The following FBXL17 variants were observed in gnomAD, a reference collection of about 807,000 sequenced individuals.
FBXL17 encodes the protein F-box and leucine rich repeat protein 17, also known as F-box/LRR-repeat protein 17.
Under a neutral mutation model 66.2 loss-of-function variants are expected in FBXL17, and 22 were observed. That is an observed-to-expected ratio of 0.33 (90% CI 0.24 to 0.47). The LOEUF is 0.47. Among genes scored for constraint, FBXL17 ranks in the 20% least tolerant of loss-of-function variants. FBXL17 has a pLI of 1.00. For missense variants in FBXL17, 878 were observed against 948.2 expected (o/e 0.93, Z 0.97); for synonymous variants, 474 against 400.5 (o/e 1.18, Z -2.19).
At chr5:107,870,656 G>T (rs1213387921) in intron 8 of FBXL17, among the ~76,000 whole-genome samples, 3 of 151,304 alleles carry the variant, frequency 2.0e-5, no homozygotes, top group Non-Finnish European at 4.4e-5. Context: ...CTCCATCTCA[G>T]CTCACTGCAA....
At chr5:108,130,990 G>C (rs1750912035) in intron 6 of FBXL17, among the ~76,000 whole-genome samples, 1 of 151,840 alleles carries the variant, frequency 6.6e-6, no homozygotes, top group Admixed American at 6.6e-5. Flanking sequence ...TCAAATTTTA[G>C]AAAAATAGCA....
intron 4 of FBXL17, among the ~76,000 whole-genome samples, chr5:108,294,292 A>ATATATAT (rs1554084182): frequency 1.6e-4 from 23 of 145,866 alleles, no homozygotes; most frequent in African/African-American, 5.5e-4. Context: ...GAAAAAAAAA[A>ATATATAT]ATATATATAT....
chr5:108,019,493 T>C (rs1754504905), intron 7 of FBXL17, among the ~76,000 whole-genome samples: 2 of 152,082 alleles, frequency 1.3e-5, no homozygotes, highest in Non-Finnish European at 2.9e-5. Flanking sequence ...CCATAACTCC[T>C]GGCTATTAGC....
intron 7 of FBXL17, among the ~76,000 whole-genome samples, chr5:107,929,247 T>C (rs1338014890): frequency 6.6e-6 from 1 of 152,158 alleles, no homozygotes; most frequent in African/African-American, 2.4e-5. Context: ...GGATGGAGGA[T>C]ATGGAGCCAA....
Position 108,111,132 on chromosome 5 carries a change from G to A in FBXL17, c.1745+74985C>T, listed in dbSNP as rs184125669. On this transcript the variant is annotated intron_variant, in intron 6 of 8. Transcript: ENST00000542267. ...TCACTGTTTCAGAATGACCTATTTC[G>A]CACTAGAATGAACCAGTGAATTCAT... 3.6e-3 allele frequency among the ~76,000 whole-genome samples: 543 copies of A among 151,536 alleles called. 1 individual carries two copies. The highest frequency in any genetic ancestry group is 5.9e-3 in the Non-Finnish European group (403 of 67,950).
chr5:108,056,472 A>G (rs1580382023), intron 6 of FBXL17, among the ~76,000 whole-genome samples: 1 of 152,232 alleles, frequency 6.6e-6, no homozygotes, highest in Non-Finnish European at 1.5e-5. Flanking sequence ...GAAAACCCTA[A>G]TATGATCTGA....
At chr5:108,163,637 ATGATC>A (rs1752306380) in intron 6 of FBXL17, among the ~76,000 whole-genome samples, 1 of 151,980 alleles carries the variant, frequency 6.6e-6, no homozygotes, top group South Asian at 2.1e-4. Flanking sequence ...TCCCGACCTC[ATGATC>A]CGCCCATCTA....
At chr5:108,068,458 TGGG>T (rs113038445) in intron 6 of FBXL17, among the ~76,000 whole-genome samples, 80 of 120,422 alleles carry the variant, frequency 6.6e-4, no homozygotes, top group African/African-American at 2.2e-3. Context: ...TTTCTTTTTT[TGGG>T]GGGGGGGCGG....
intron 1 of FBXL17, among the ~76,000 whole-genome samples, chr5:108,380,016 C>T (rs956788419): frequency 6.6e-6 from 1 of 152,170 alleles, no homozygotes; most frequent in Non-Finnish European, 1.5e-5. Context: ...CCTAGATCTA[C>T]CCTTTACTTT....
At chr5:108,132,538 G>A (rs1028303948) in intron 6 of FBXL17, among the ~76,000 whole-genome samples, 3 of 152,036 alleles carry the variant, frequency 2.0e-5, no homozygotes, top group Admixed American at 6.6e-5. Flanking sequence ...ATAATATGTT[G>A]TATGTATAAC....
intron 6 of FBXL17, among the ~76,000 whole-genome samples, chr5:108,172,641 G>A (rs1752650346): frequency 6.6e-6 from 1 of 152,194 alleles, no homozygotes; most frequent in Admixed American, 6.5e-5. Flanking sequence ...GATTTCAACA[G>A]AAGACCAAGA....
At chr5:108,146,710 C>A (rs181074176) in intron 6 of FBXL17, among the ~76,000 whole-genome samples, 91 of 152,272 alleles carry the variant, frequency 6.0e-4, no homozygotes, top group Admixed American at 1.5e-3. Flanking sequence ...TCTAAACTAT[C>A]TCCACACAGA....
chr5:108,074,315 T>A (rs867895231), intron 6 of FBXL17, among the ~76,000 whole-genome samples: 44 of 151,886 alleles, frequency 2.9e-4, no homozygotes, highest in African/African-American at 1.0e-3. Flanking sequence ...AAAAGATTTT[T>A]TTTTTTTTTT....
intron 6 of FBXL17, among the ~76,000 whole-genome samples, chr5:108,108,719 G>A (rs1272058597): frequency 6.6e-6 from 1 of 151,572 alleles, no homozygotes; most frequent in African/African-American, 2.4e-5. Context: ...TTAAAACAAG[G>A]CAAGTTAGGA....
chr5:108,184,301 G>GT (rs1389361948), intron 6 of FBXL17, among the ~76,000 whole-genome samples: 3 of 151,922 alleles, frequency 2.0e-5, no homozygotes, highest in Non-Finnish European at 4.4e-5. Flanking sequence ...GTACACACTT[G>GT]TTTTTTCGTT....
chr5:107,956,536 C>T (rs1248559350), intron 7 of FBXL17, among the ~76,000 whole-genome samples: 1 of 152,164 alleles, frequency 6.6e-6, no homozygotes, highest in Non-Finnish European at 1.5e-5. Context: ...TACTTAAACT[C>T]TGAGATTTAG....
chr5:108,036,744 T>C (rs1248539946), intron 6 of FBXL17, among the ~76,000 whole-genome samples: 2 of 152,162 alleles, frequency 1.3e-5, no homozygotes, highest in Non-Finnish European at 2.9e-5. Flanking sequence ...ACGCTTATCT[T>C]AGATTAGATA....
intron 7 of FBXL17, among the ~76,000 whole-genome samples, chr5:107,993,984 G>C (rs1753368869): frequency 6.6e-6 from 1 of 152,192 alleles, no homozygotes. Flanking sequence ...AAGTTAAAAA[G>C]TTAGAATTAG....
intron 6 of FBXL17, among the ~76,000 whole-genome samples, chr5:108,124,003 C>T (rs747446932): frequency 1.3e-5 from 2 of 152,138 alleles, no homozygotes; most frequent in Non-Finnish European, 2.9e-5. Context: ...AAGTTTGAGT[C>T]AGTGACTGGC....
Sources: allele counts gnomAD v4.1 joint callset (sites outside exome capture counted in the v4.1 genomes callset), GRCh38; gene constraint gnomAD v4.1.1; transcripts MANE v1.5; gene names NCBI Gene and HGNC (gene_info 2026-07-23, HGNC 2026-07-21).